Variants in SANBR observed in about 807,000 individuals in gnomAD.
The protein encoded by SANBR is SANT and BTB domain regulator of CSR.
A neutral mutation model predicts 101.8 loss-of-function variants in SANBR; 77 were observed. The observed-to-expected ratio is 0.76, with a 90% CI of 0.63 to 0.91. The LOEUF is 0.91. Ranked by LOEUF, SANBR falls within the 40% of genes least tolerant of loss-of-function variation. The pLI is 0.00. For synonymous variants in SANBR, 279 were observed against 274.7 expected (o/e 1.02, Z -0.15); for missense variants, 875 against 853.0 (o/e 1.03, Z -0.32).
intron 5 of SANBR, 45 bp downstream of exon 5, chr2:61,073,596 A>C (rs1382236413): frequency 9.4e-7 from 1 of 1,066,096 alleles, no homozygotes; most frequent in Non-Finnish European, 1.4e-6. Context: ...TATTAATATC[A>C]ACTTCATAAA....
chr2:61,126,861 T>A (rs1051794410), downstream of SANBR, among the ~76,000 whole-genome samples: 1 of 152,104 alleles, frequency 6.6e-6, no homozygotes, highest in Non-Finnish European at 1.5e-5. Context: ...TCCATCTTAT[T>A]TACTACGCTG....
intron 1 of SANBR, among the ~76,000 whole-genome samples, chr2:61,068,180 G>A (rs971415579): frequency 6.6e-6 from 1 of 152,060 alleles, no homozygotes; most frequent in Non-Finnish European, 1.5e-5. Flanking sequence ...CCCTTCCAAG[G>A]TTCTTCCAAG....
intron 13 of SANBR, among the ~76,000 whole-genome samples, chr2:61,105,434 T>A (rs985332739): frequency 5.9e-5 from 9 of 151,512 alleles, no homozygotes; most frequent in African/African-American, 1.7e-4. Context: ...TGGCACAATC[T>A]TGGCTCACTG....
Position 61,113,335 on chromosome 2 carries a change from T to C in SANBR, c.1745-2644T>C, listed in dbSNP as rs564388689. ...GGTACGTTGCATTTTCTACAAATTT[T>C]AGAGTCTGTGTGGATATTTCTACAA... On this transcript the variant is annotated intron_variant, in intron 16 of 21. Transcript: ENST00000402291. Among the ~76,000 whole-genome samples, 4 of 152,324 alleles carry C rather than the reference T, an allele frequency of 2.6e-5. No individual in the cohort carries two copies. In the South Asian group the frequency reaches 8.3e-4, roughly 32 times the overall value.
At chr2:61,097,622 A>G (rs1683090805) in intron 11 of SANBR, 78 bp from the exon 12 acceptor site, 2 of 1,098,958 alleles carry the variant, frequency 1.8e-6, no homozygotes, top group Non-Finnish European at 2.7e-6. Flanking sequence ...GGAACATATA[A>G]TATTTGGTCT....
chr2:61,105,457 C>A (rs1478237750), intron 13 of SANBR, among the ~76,000 whole-genome samples: 1 of 151,822 alleles, frequency 6.6e-6, no homozygotes, highest in Non-Finnish European at 1.5e-5. Context: ...ACCTCTGCCT[C>A]CCGGGTTCAC....
chr2:61,074,989 G>T (rs769387214), intron 5 of SANBR: 1 of 149,566 alleles, frequency 6.7e-6, no homozygotes. Flanking sequence ...TTAGAGACGT[G>T]GTCTCACTGT....
Position 61,077,097 on chromosome 2 carries a change from G to A in SANBR, c.609G>A (p.Trp203Ter). 1 of 1,614,082 alleles carries A rather than the reference G, an allele frequency of 6.2e-7. No individual in the cohort carries two copies. Among genetic ancestry groups the A allele is most frequent in the Non-Finnish European group, 8.5e-7 (1 of 1,179,972 alleles). ...SVHCDVHIFN[W>*]LIKYIKRNTK... Reference sequence around the variant, plus strand: ...ATTGCGACGTTCACATTTTCAACTGGTTGATAAAATACATTAAAAGGAACA... The same window carrying A: ...ATTGCGACGTTCACATTTTCAACTGATTGATAAAATACATTAAAAGGAACA... The change falls in exon 6 of 22, where the codon TGG becomes TGA. Residue 203 changes from tryptophan (W) to a stop codon, truncating the protein, a stop_gained. Transcript: ENST00000402291. LOFTEE classifies it high-confidence loss of function.
chr2:61,103,433 C>A (rs1294819893), intron 12 of SANBR, among the ~76,000 whole-genome samples: 1 of 152,160 alleles, frequency 6.6e-6, no homozygotes, highest in East Asian at 1.9e-4. Flanking sequence ...GCCACCTCAC[C>A]CAGTAGAAAC....
chr2:61,105,998 T>C (rs1413799055), intron 13 of SANBR, among the ~76,000 whole-genome samples: 1 of 152,154 alleles, frequency 6.6e-6, no homozygotes, highest in African/African-American at 2.4e-5. Flanking sequence ...GTACCAATTA[T>C]AGCAGCCCAT....
rs775519348 is a variant in SANBR at position 61,103,883 on chromosome 2, C to T, written c.1396C>T (p.Leu466Phe). ...GCKVRDHMVT[L>F]RDQGEGGDLP... ...TAAAGTGAGGGACCACATGGTTACA[C>T]TTCGTGATCAAGGTGAAGGCGGAGA... The change falls in exon 13 of 22, where the codon CTT (leucine) becomes TTT (phenylalanine). Residue 466 changes from leucine to phenylalanine, a missense_variant. Leu to Phe is a conservative substitution (Grantham distance 22, BLOSUM62 0). Transcript: ENST00000402291. 6.2e-7 allele frequency: 1 copy of T among 1,614,236 alleles called. No individual in the cohort carries two copies. The highest frequency in any genetic ancestry group is 2.2e-5 in the East Asian group (1 of 44,888).
intron 20 of SANBR, among the ~76,000 whole-genome samples, chr2:61,120,022 A>G (rs1009615679): frequency 3.3e-5 from 5 of 152,182 alleles, no homozygotes; most frequent in African/African-American, 1.2e-4. Context: ...ACTCTCATAT[A>G]TAGCTAGTAG....
Position 61,088,394 on chromosome 2 carries a change from A to G in SANBR, c.1014A>G (p.Thr338=). The G allele has an allele frequency of 3.7e-6, 6 of 1,603,226 alleles. No individual in the cohort carries two copies. The highest frequency in any genetic ancestry group is 5.1e-6 in the Non-Finnish European group (6 of 1,175,910). ...CLCKKLLTKE[T]ERRIPCIPGK... ...GTAAGAAACTTTTAACAAAAGAAAC[A>G]GAAAGAAGAATTCCTTGCATTCCTG... is the stretch of plus-strand genomic sequence containing the variant. The change falls in exon 10 of 22, where the codon ACA becomes ACG. Residue 338 remains threonine, a synonymous_variant. Transcript: ENST00000402291.
rs11308796 is a variant in SANBR, at chr2:61,076,461, C to CA, written c.432-442dup. Among the ~76,000 whole-genome samples, 272 of 121,528 alleles carry CA rather than the reference C, an allele frequency of 2.2e-3. 1 individual carries two copies. Among genetic ancestry groups the CA allele is most frequent in the South Asian group, 0.015 (53 of 3,444 alleles). 79.7% of individuals were successfully genotyped at this position (121,528 alleles called of 152,430 possible). On this transcript the variant is annotated intron_variant, in intron 5 of 21. Transcript: ENST00000402291. ...TGAAACCCCCTCTCTACTAAAAATA[C>CA]AAAAAAAAAAAAAAAAATTAGCTGG... is the stretch of plus-strand genomic sequence containing the variant.
At chr2:61,137,629 G>A (rs1389919040) in exon 22 of SANBR, 1 of 152,028 alleles carries the variant, frequency 6.6e-6, no homozygotes, top group Non-Finnish European at 1.5e-5. Flanking sequence ...ATTTCAAGTA[G>A]ACAGAAAAGT....
intron 10 of SANBR, among the ~76,000 whole-genome samples, chr2:61,091,922 A>G (rs1165952387): frequency 6.6e-6 from 1 of 152,216 alleles, no homozygotes; most frequent in Non-Finnish European, 1.5e-5. Context: ...CTCAATTACT[A>G]AAAGATACTT....
At chr2:61,083,940 C>T (rs1218483060) in intron 8 of SANBR, among the ~76,000 whole-genome samples, 1 of 150,890 alleles carries the variant, frequency 6.6e-6, no homozygotes, top group East Asian at 1.9e-4. Flanking sequence ...AATTTTTACT[C>T]TCTCTTTTCA....
intron 11 of SANBR, among the ~76,000 whole-genome samples, chr2:61,094,638 CTTTTTT>C (rs35061669): frequency 2.5e-5 from 2 of 79,016 alleles, no homozygotes; most frequent in African/African-American, 5.1e-5. Context: ...TATTTCTCTT[CTTTTTT>C]TTTTTTTTTT....
Position 61,121,296 on chromosome 2 carries a change from A to G in SANBR, c.2120+20A>G. ...CACAAGGTAAATCAGCATAAACTAA[A>G]CCAGAGTGTCAGTGGCTTTGAAGTG... is the stretch of plus-strand genomic sequence containing the variant. On this transcript the variant is annotated intron_variant, in intron 21 of 21. Transcript: ENST00000402291. 6.5e-7 allele frequency: 1 copy of G among 1,530,230 alleles called. No homozygotes were observed. Among genetic ancestry groups the G allele is most frequent in the Non-Finnish European group, 8.9e-7 (1 of 1,128,474 alleles). The allele number at this position is 1,530,230 out of a possible 1,614,324, so 94.8% of individuals were successfully genotyped here. A position where few individuals can be genotyped will look rare whatever the true frequency, so the allele number is the denominator to read the frequency against.
Sources: allele counts gnomAD v4.1 joint callset (sites outside exome capture counted in the v4.1 genomes callset), GRCh38; gene constraint gnomAD v4.1.1; transcripts MANE v1.5; gene names NCBI Gene and HGNC (gene_info 2026-07-23, HGNC 2026-07-21).